The following SHISA5 variants were observed in gnomAD, a reference collection of about 807,000 sequenced individuals.
The protein encoded by SHISA5 is shisa family member 5.
Under a neutral mutation model 27.5 loss-of-function variants are expected in SHISA5, and 21 were observed. The ratio of observed to expected loss-of-function variants is 0.76; its 90% CI spans 0.54 to 1.10. SHISA5 has a LOEUF of 1.10. Ranked by LOEUF, SHISA5 falls within the 50% of genes least tolerant of loss-of-function variation. The probability of loss-of-function intolerance (pLI) is 0.00; values close to 1 mark genes in which losing one functional copy is unlikely to be tolerated. For synonymous variants in SHISA5, 137 were observed against 142.2 expected (o/e 0.96, Z 0.26); for missense variants, 314 against 336.3 (o/e 0.93, Z 0.52).
In SHISA5 at chr3:48,501,388, C is replaced by T. The variant is rs913193305; in HGVS notation, c.77-95G>A. 2.9e-4 allele frequency: 397 copies of T among 1,357,838 alleles called. 2 individuals carry two copies. The Middle Eastern group carries it at 6.2e-3, about 21-fold the overall frequency. 84.1% of individuals were successfully genotyped at this position (1,357,838 alleles called of 1,614,324 possible). ...TGGCACAGCCACCAGACCACACACA[C>T]ACACACATGCTGCACCGTCTCTGAG... is the stretch of plus-strand genomic sequence containing the variant. On this transcript the variant is annotated intron_variant, in intron 1 of 5. Coordinates refer to ENST00000296444, the MANE Select transcript of SHISA5 (RefSeq NM_016479.6).
rs762085708 is a variant in SHISA5, at chr3:48,501,207, G to T, written c.163C>A (p.Gln55Lys). 5.6e-6 allele frequency: 9 copies of T among 1,614,094 alleles called. No homozygotes were observed. In the African/African-American group the frequency reaches 1.1e-4, roughly 19 times the overall value. ...TTCAGCACGTCAGAGCAGCAGTATT[G>T]GTCATCACAGGTACCACAGCAGAAA... Reference protein sequence around the residue: ...PDFCCGTCDDQYCCSDVLKKF... With the variant: ...PDFCCGTCDDKYCCSDVLKKF... The change falls in exon 2 of 6, where the codon CAA (glutamine) becomes AAA (lysine). Residue 55 changes from glutamine (Q) to lysine (K), a missense_variant. Transcript: ENST00000296444.
chr3:48,477,647 A>T (rs1388756714), intron 3 of SHISA5, among the ~76,000 whole-genome samples: 1 of 152,172 alleles, frequency 6.6e-6, no homozygotes, highest in Middle Eastern at 3.4e-3. Flanking sequence ...ACAATTTCCA[A>T]CTGCTCTTCA....
intron 3 of SHISA5, among the ~76,000 whole-genome samples, chr3:48,478,162 C>T (rs560336381): frequency 3.9e-5 from 6 of 152,204 alleles, no homozygotes; most frequent in Admixed American, 6.5e-5. Context: ...GCAGGACAGC[C>T]GCTCCTGGGC....
intron 2 of SHISA5, among the ~76,000 whole-genome samples, chr3:48,500,428 C>G (rs2041719793): frequency 6.6e-6 from 1 of 152,024 alleles, no homozygotes; most frequent in Admixed American, 6.6e-5. Flanking sequence ...ATGAGACCAG[C>G]CTGGGCAACA....
At position 48,496,153 on chromosome 3, in the gene SHISA5, A is replaced by G. The variant is rs142812529; in HGVS notation, c.233+4984T>C. Among the ~76,000 whole-genome samples, 6 of 128,008 alleles carry G rather than the reference A, an allele frequency of 4.7e-5. 1 individual carries two copies. The allele number at this position is 128,008 out of a possible 152,430, so 84.0% of individuals were successfully genotyped here. A position where few individuals can be genotyped will look rare whatever the true frequency, so the allele number is the denominator to read the frequency against. Reference sequence around the variant, plus strand: ...AAAAAAATGCAAAGATTAGCTGGGCATGGAGGCGTTCCCCTGTAATCCCAG... The same window carrying G: ...AAAAAAATGCAAAGATTAGCTGGGCGTGGAGGCGTTCCCCTGTAATCCCAG... On this transcript the variant is annotated intron_variant, in intron 2 of 5. Transcript: ENST00000296444.
intron 2 of SHISA5, among the ~76,000 whole-genome samples, chr3:48,487,806 G>T (rs1413651725): frequency 1.3e-5 from 2 of 152,184 alleles, no homozygotes; most frequent in African/African-American, 4.8e-5. Flanking sequence ...TGAGGTAGGA[G>T]AATCGCTTGA....
chr3:48,469,868 G>C lies in SHISA5; in HGVS notation c.315-25C>G, dbSNP rs761922528. On this transcript the variant is annotated intron_variant, in intron 3 of 5. Coordinates refer to ENST00000296444, the MANE Select transcript of SHISA5 (RefSeq NM_016479.6). This position sits in a 1 kb window ranked among gnomAD's most constrained non-coding sequence, Gnocchi z 4.6. ...CCTGCCAAAGAGCTAGACGTGACCC[G>C]GGGCACCTCGCCCCTCCCCAGACCA... 6.2e-7 allele frequency: 1 copy of C among 1,601,400 alleles called. No homozygotes were observed. Among genetic ancestry groups the C allele is most frequent in the Admixed American group, 1.7e-5 (1 of 57,500 alleles).
rs913143674 is a variant in SHISA5 at position 48,469,073 on chromosome 3, T to C, written c.*34A>G. 1.9e-6 allele frequency: 3 copies of C among 1,611,660 alleles called. No homozygotes were observed. Among genetic ancestry groups the C allele is most frequent in the African/African-American group, 2.7e-5 (2 of 74,814 alleles). On this transcript the variant is annotated 3_prime_UTR_variant, in exon 6 of 6. Coordinates refer to ENST00000296444, the MANE Select transcript of SHISA5 (RefSeq NM_016479.6). The surrounding 1 kb of genome is among the most constrained non-coding windows in gnomAD (Gnocchi z 4.6). ...ACACCACTCACGCACACACACAACA[T>C]AACCAAGTGGCAGCCAGAGAGGCCA...
intron 1 of SHISA5, chr3:48,502,957 T>C: frequency 2.2e-6 from 1 of 454,452 alleles, no homozygotes; most frequent in Non-Finnish European, 4.0e-6. Flanking sequence ...CCAAGTGACC[T>C]CCTTGGGAAG....
In SHISA5 at chr3:48,468,786, C is replaced by T. The variant is rs1313756032; in HGVS notation, c.*321G>A. ...GAACTCCAGATGTGCCCTGGAGAGG[C>T]CCCCACCTCTCAGGGGCCACCTCAC... is the stretch of plus-strand genomic sequence containing the variant. On this transcript the variant is annotated 3_prime_UTR_variant, in exon 6 of 6. Transcript: ENST00000296444. The T allele has an allele frequency of 7.0e-7, 1 of 1,419,740 alleles. No individual in the cohort carries two copies. Among genetic ancestry groups the T allele is most frequent in the Non-Finnish European group, 9.3e-7 (1 of 1,072,606 alleles). 87.9% of individuals were successfully genotyped at this position (1,419,740 alleles called of 1,614,324 possible).
Position 48,470,552 on chromosome 3 carries a change from G to A in SHISA5, c.315-709C>T, listed in dbSNP as rs2040571119. Among the ~76,000 whole-genome samples the A allele has an allele frequency of 6.6e-6, 1 of 152,220 alleles. No individual in the cohort carries two copies. The highest frequency in any genetic ancestry group is 1.5e-5 in the Non-Finnish European group (1 of 68,038). ...ACAGGTGAGAGGGCCAAGAGCCAAG[G>A]GGAGGACACAGAGGCCTGGAGGCAG... On this transcript the variant is annotated intron_variant, in intron 3 of 5. Transcript: ENST00000296444. The surrounding 1 kb of genome is among the most constrained non-coding windows in gnomAD (Gnocchi z 4.3).
At chr3:48,482,332 G>A (rs1160158714) in intron 2 of SHISA5, among the ~76,000 whole-genome samples, 7 of 151,590 alleles carry the variant, frequency 4.6e-5, no homozygotes, top group Non-Finnish European at 1.0e-4. Flanking sequence ...TTGAGCCCAG[G>A]AGTTCCAGGC....
chr3:48,469,241 T>C lies in SHISA5; in HGVS notation c.644-55A>G. The C allele has an allele frequency of 6.3e-7, 1 of 1,593,956 alleles. No individual in the cohort carries two copies. Among genetic ancestry groups the C allele is most frequent in the African/African-American group, 1.3e-5 (1 of 74,368 alleles). ...TGAGCATGGTGGGCTGCCGTGTGAG[T>C]GGCAGGCAAGCAGAAAGGGGCAGAG... On this transcript the variant is annotated intron_variant, in intron 5 of 5. Transcript: ENST00000296444. This position sits in a 1 kb window ranked among gnomAD's most constrained non-coding sequence, Gnocchi z 4.6.
chr3:48,471,722 A>T (rs534408065), intron 3 of SHISA5, among the ~76,000 whole-genome samples: 1 of 151,392 alleles, frequency 6.6e-6, no homozygotes, highest in African/African-American at 2.4e-5. Context: ...AGAAAGTATA[A>T]AAAAAATTAG....
intron 2 of SHISA5, among the ~76,000 whole-genome samples, chr3:48,489,384 T>C (rs1292664823): frequency 6.6e-6 from 1 of 151,804 alleles, no homozygotes; most frequent in African/African-American, 2.4e-5. Flanking sequence ...TGCAGTGGCA[T>C]GATCTCAGCT....
Position 48,473,317 on chromosome 3 carries a change from G to A in SHISA5, c.315-3474C>T. ...TGCCTCCCTGAGCCAAGCCTACAGG[G>A]CCTGACCTCAGAATGCAGCCTGGCC... On this transcript the variant is annotated intron_variant, in intron 3 of 5. Coordinates refer to ENST00000296444, the MANE Select transcript of SHISA5 (RefSeq NM_016479.6). The surrounding 1 kb of genome is among the most constrained non-coding windows in gnomAD (Gnocchi z 4.3). 7.1e-7 allele frequency: 1 copy of A among 1,398,760 alleles called. No individual in the cohort carries two copies. Among genetic ancestry groups the A allele is most frequent in the Non-Finnish European group, 9.4e-7 (1 of 1,063,774 alleles). 86.6% of individuals were successfully genotyped at this position (1,398,760 alleles called of 1,614,324 possible).
At position 48,468,713 on chromosome 3, in the gene SHISA5, C is replaced by A; in HGVS notation, c.*394G>T. 1.5e-5 allele frequency: 20 copies of A among 1,296,538 alleles called. No individual in the cohort carries two copies. Among genetic ancestry groups the A allele is most frequent in the Non-Finnish European group, 2.0e-5 (20 of 997,998 alleles). The allele number at this position is 1,296,538 out of a possible 1,614,324, so 80.3% of individuals were successfully genotyped here. A position where few individuals can be genotyped will look rare whatever the true frequency, so the allele number is the denominator to read the frequency against. On this transcript the variant is annotated 3_prime_UTR_variant, in exon 6 of 6. Transcript: ENST00000296444. Reference sequence around the variant, plus strand: ...CTGCATCACACAGAAAGCTGCGCCACCCTGGTGTGACAGGCCCTACTTGGT... The same window carrying A: ...CTGCATCACACAGAAAGCTGCGCCAACCTGGTGTGACAGGCCCTACTTGGT...
chr3:48,468,390 T>C lies in SHISA5; in HGVS notation c.*717A>G. On this transcript the variant is annotated 3_prime_UTR_variant, in exon 6 of 6. Coordinates refer to ENST00000296444, the MANE Select transcript of SHISA5 (RefSeq NM_016479.6). ...GGGGCAGCTAGGCTGTGTGTGCATG[T>C]GGCCCTCCAGCTGGTCCCAGGGGAG... The C allele has an allele frequency of 1.8e-6, 2 of 1,095,998 alleles. No individual in the cohort carries two copies. 67.9% of individuals were successfully genotyped at this position (1,095,998 alleles called of 1,614,324 possible). A position where few individuals can be genotyped will look rare whatever the true frequency, so the allele number is the denominator to read the frequency against.
chr3:48,473,413 C>A lies in SHISA5; in HGVS notation c.315-3570G>T, dbSNP rs1392028547. 7.6e-7 allele frequency: 1 copy of A among 1,311,862 alleles called. No individual in the cohort carries two copies. Among genetic ancestry groups the A allele is most frequent in the Non-Finnish European group, 1.0e-6 (1 of 1,003,950 alleles). The allele number at this position is 1,311,862 out of a possible 1,614,324, so 81.3% of individuals were successfully genotyped here. A position where few individuals can be genotyped will look rare whatever the true frequency, so the allele number is the denominator to read the frequency against. ...CACTCTAGCTCAGCAGCACCCCCAC[C>A]CCCACTTCCACCTAACCCACCGGCC... On this transcript the variant is annotated intron_variant, in intron 3 of 5. Transcript: ENST00000296444. The surrounding 1 kb of genome is among the most constrained non-coding windows in gnomAD (Gnocchi z 4.3).
Sources: gnomAD v4.1 joint callset for allele counts (sites outside exome capture counted in the v4.1 genomes callset) on GRCh38, gnomAD v4.1.1 for gene constraint, Gnocchi (gnomAD v3.1) non-coding constraint, MANE v1.5 for transcripts, NCBI Gene and HGNC (gene_info 2026-07-23, HGNC 2026-07-21) for gene names.